TK1: variants seen among roughly 807,000 people sequenced by gnomAD.
TK1 encodes thymidine kinase 1.
TK1 carries 13 observed loss-of-function variants against 22.4 expected under a neutral mutation model. That is an observed-to-expected ratio of 0.58 (90% confidence interval 0.38 to 0.92). The LOEUF (loss-of-function observed/expected upper bound fraction) is 0.92, where lower values mean the gene tolerates loss of function less well. Ranked by LOEUF, TK1 falls within the 40% of genes least tolerant of loss-of-function variation. The probability of loss-of-function intolerance (pLI) is 0.00; values close to 1 mark genes in which losing one functional copy is unlikely to be tolerated. For missense variants in TK1, 251 were observed against 315.7 expected (o/e 0.80, Z 1.55); for synonymous variants, 134 against 125.4 (o/e 1.07, Z -0.46).
chr17:78,182,757 C>T lies in TK1; in HGVS notation c.210-75G>A. ...ACAATGCAGGGGCCAGGGAATGGCA[C>T]TGTCGTGACCACCTGCTACCTGCAA... On this transcript the variant is annotated intron_variant, in intron 3 of 6. Transcript: ENST00000301634. 3 of 1,117,178 alleles carry T rather than the reference C, an allele frequency of 2.7e-6. No homozygotes were observed. In the South Asian group the frequency reaches 5.7e-5, roughly 21 times the overall value. 69.2% of individuals were successfully genotyped at this position (1,117,178 alleles called of 1,614,324 possible).
At chr17:78,182,828 T>A (rs2075747422) in intron 3 of TK1, 146 bp from the exon 4 acceptor site, 2 of 488,874 alleles carry the variant, frequency 4.1e-6, no homozygotes, top group South Asian at 9.1e-5. Context: ...AGTTAGCACC[T>A]ATGGGAAAGG....
chr17:78,175,027 G>A, intron 6 of TK1, 23 bp downstream of exon 6: 2 of 1,612,148 alleles, frequency 1.2e-6, no homozygotes, highest in South Asian at 2.2e-5. Flanking sequence ...CCGCCGGCCT[G>A]CAGGGAAGGC....
Position 78,185,124 on chromosome 17 carries a change from T to TG in TK1, c.139dup (p.Gln47ProfsTer23). 6.2e-7 allele frequency: 1 copy of TG among 1,611,588 alleles called. No individual in the cohort carries two copies. The highest frequency in any genetic ancestry group is 8.5e-7 in the Non-Finnish European group (1 of 1,179,426). Reference sequence around the variant, plus strand: ...ATACTTGATCACCAGGCACTTGTACTGAGCAATCTGGAAGCGACGGACGCG... The same window carrying TG: ...ATACTTGATCACCAGGCACTTGTACTGGAGCAATCTGGAAGCGACGGACGCG... On this transcript the variant is annotated frameshift_variant, in exon 3 of 7. Coordinates refer to ENST00000301634, the MANE Select transcript of TK1 (RefSeq NM_003258.5). LOFTEE classifies it high-confidence loss of function.
chr17:78,183,368 T>C (rs2075752198), intron 3 of TK1, among the ~76,000 whole-genome samples: 1 of 152,188 alleles, frequency 6.6e-6, no homozygotes, highest in Non-Finnish European at 1.5e-5. Flanking sequence ...TATATTTGTC[T>C]TTATATTAAT....
In TK1 at chr17:78,175,075, G is replaced by GTA. The variant is rs1256470755; in HGVS notation, c.486_487dup (p.Thr163IlefsTer13). 6.2e-7 allele frequency: 1 copy of GTA among 1,613,632 alleles called. No homozygotes were observed. Among genetic ancestry groups the GTA allele is most frequent in the Admixed American group, 1.7e-5 (1 of 59,994 alleles). ...CTCCTTCTCTGTGCCGAGCCTCTTG[G>GTA]TATAGGCGGCTTCCCGGAAGCACTC... On this transcript the variant is annotated frameshift_variant, in exon 6 of 7. Coordinates refer to ENST00000301634, the MANE Select transcript of TK1 (RefSeq NM_003258.5). LOFTEE classifies it high-confidence loss of function.
At chr17:78,175,347 G>A (rs2661680) in intron 5 of TK1, among the ~76,000 whole-genome samples, 178 bp from the exon 6 acceptor site, 5,530 of 151,884 alleles carry the variant, frequency 0.036, 169 homozygotes, top group African/African-American at 0.08. Context: ...AGCACCTGCC[G>A]CAACAGATGG....
chr17:78,178,524 A>C (rs2075716759), intron 4 of TK1, among the ~76,000 whole-genome samples: 1 of 152,204 alleles, frequency 6.6e-6, no homozygotes, highest in Non-Finnish European at 1.5e-5. Context: ...GCTGGGCTTC[A>C]TCCACTGTCC....
chr17:78,179,654 G>T, intron 4 of TK1: 2 of 985,480 alleles, frequency 2.0e-6, no homozygotes, highest in Non-Finnish European at 1.2e-6. Flanking sequence ...GACAGGCCCT[G>T]TGACGTCCGG....
At position 78,174,734 on chromosome 17, in the gene TK1, G is replaced by T. The variant is rs766325789; in HGVS notation, c.*25C>A. On this transcript the variant is annotated 3_prime_UTR_variant, in exon 7 of 7. Coordinates refer to ENST00000301634, the MANE Select transcript of TK1 (RefSeq NM_003258.5). Reference sequence around the variant, plus strand: ...TCCAGTAGGCGGCAGTGGCAGGAAGGGAGCGGGCGGCCCTCGCAGGTCCCT... The same window carrying T: ...TCCAGTAGGCGGCAGTGGCAGGAAGTGAGCGGGCGGCCCTCGCAGGTCCCT... 8 of 1,555,422 alleles carry T rather than the reference G, an allele frequency of 5.1e-6. No homozygotes were observed. In the African/African-American group the frequency reaches 1.1e-4, roughly 21 times the overall value.
At chr17:78,185,794 C>T (rs958167108) in intron 2 of TK1, among the ~76,000 whole-genome samples, 3 of 152,080 alleles carry the variant, frequency 2.0e-5, no homozygotes, top group African/African-American at 7.2e-5. Context: ...CCTTCCAAAG[C>T]GCTGGGATTA....
At position 78,186,962 on chromosome 17, in the gene TK1, A is replaced by G. The variant is rs1071664; in HGVS notation, c.33T>C (p.Pro11=). The change falls in exon 1 of 7, where the codon CCT becomes CCC. Residue 11 remains proline, a synonymous_variant. Coordinates refer to ENST00000301634, the MANE Select transcript of TK1 (RefSeq NM_003258.5). ...GCCCCCGGGTCTTGCTGGGGGAGCC[A>G]GGCAGCACAGTGGGCAGGTTAATGC... The part of the protein sequence containing the change: MSCINLPTVL[P]GSPSKTRGQI... 643,374 of 1,575,348 alleles carry G rather than the reference A, an allele frequency of 0.41. 138,400 individuals are homozygous for G. The highest frequency in any genetic ancestry group is 0.7 in the African/African-American group (51,517 of 73,808).
At chr17:78,185,303 A>G (rs2075774236) in intron 2 of TK1, 138 bp from the exon 3 acceptor site, 2 of 642,978 alleles carry the variant, frequency 3.1e-6, no homozygotes, top group Admixed American at 4.8e-5. Context: ...AGAGCAGGGC[A>G]GAGCAGGCAG....
At chr17:78,175,409 A>C in intron 5 of TK1, 120 bp downstream of exon 5, 3 of 1,126,728 alleles carry the variant, frequency 2.7e-6, no homozygotes, top group Non-Finnish European at 3.8e-6. Flanking sequence ...AGGCCTGAGC[A>C]GCTCGGCCGT....
At position 78,179,404 on chromosome 17, in the gene TK1, CAG is replaced by C. The variant is rs2075723383; in HGVS notation, c.303+3183_303+3184del. The C allele has an allele frequency of 7.1e-6, 7 of 985,424 alleles. No homozygotes were observed. The Middle Eastern group carries it at 1.6e-3, about 221-fold the overall frequency. 61.0% of individuals were successfully genotyped at this position (985,424 alleles called of 1,614,324 possible). On this transcript the variant is annotated intron_variant, in intron 4 of 6. Transcript: ENST00000301634. ...ACGTACGCAGAGGCATGGGGGTGCT[CAG>C]GGGCGCACCTCTGAAGGTCAGAAAC...
Position 78,186,751 on chromosome 17 carries a change from G to A in TK1, c.98+36C>T. On this transcript the variant is annotated intron_variant, in intron 2 of 6. Coordinates refer to ENST00000301634, the MANE Select transcript of TK1 (RefSeq NM_003258.5). ...CGGGACAAGGGGTCCCCGGAGAAGA[G>A]GAAGGAGCTCCACCCCAGCCCCGCG... 4 of 1,567,920 alleles carry A rather than the reference G, an allele frequency of 2.6e-6. No homozygotes were observed. The East Asian group carries it at 7.2e-5, about 28-fold the overall frequency.
chr17:78,181,007 T>G (rs990220267), intron 4 of TK1, among the ~76,000 whole-genome samples: 1 of 152,194 alleles, frequency 6.6e-6, no homozygotes, highest in Non-Finnish European at 1.5e-5. Flanking sequence ...CCCAGCACTT[T>G]GGGAGCTGAG....
chr17:78,182,571 C>T lies in TK1; in HGVS notation c.303+18G>A. 1 of 1,553,558 alleles carries T rather than the reference C, an allele frequency of 6.4e-7. No individual in the cohort carries two copies. Among genetic ancestry groups the T allele is most frequent in the Non-Finnish European group, 8.7e-7 (1 of 1,146,780 alleles). On this transcript the variant is annotated intron_variant, in intron 4 of 6. Transcript: ENST00000301634. ...CGGAAGCTGGCAGGAAGAGTGATGC[C>T]AAGACAAGCCAACTTACAAACTGCC...
In TK1 at chr17:78,174,314, G is replaced by A. The variant is rs2075681555; in HGVS notation, c.*445C>T. On this transcript the variant is annotated 3_prime_UTR_variant, in exon 7 of 7. Coordinates refer to ENST00000301634, the MANE Select transcript of TK1 (RefSeq NM_003258.5). ...GTGAATCCAGGCCATCCTCAGGGGA[G>A]GGTGGGAGCCCATCCCAGGCAGAGA... The A allele has an allele frequency of 6.2e-6, 1 of 160,126 alleles. No individual in the cohort carries two copies. The allele number at this position is 160,126 out of a possible 1,614,324, so 9.9% of individuals were successfully genotyped here.
intron 1 of TK1, 51 bp downstream of exon 1, chr17:78,186,878 T>TATC: frequency 6.4e-7 from 1 of 1,566,502 alleles, no homozygotes; most frequent in Non-Finnish European, 8.7e-7. Flanking sequence ...GGACACAGGC[T>TATC]ATCACCACGA....
Sources: allele counts gnomAD v4.1 joint callset (sites outside exome capture counted in the v4.1 genomes callset), GRCh38; gene constraint gnomAD v4.1.1; transcripts MANE v1.5; gene names NCBI Gene and HGNC (gene_info 2026-07-23, HGNC 2026-07-21).